Variants in UNC13C observed in about 807,000 individuals in gnomAD.
The protein encoded by UNC13C is unc-13 homolog C, also known as protein unc-13 homolog C.
Under a neutral mutation model 245.4 loss-of-function variants are expected in UNC13C, and 174 were observed. The ratio of observed to expected loss-of-function variants is 0.71; its 90% CI spans 0.63 to 0.80. UNC13C has a LOEUF of 0.80. Among genes scored for constraint, UNC13C ranks in the 30% least tolerant of loss-of-function variants. The pLI, the probability that UNC13C is intolerant of heterozygous loss-of-function variation, is 0.00. For missense variants in UNC13C, 2,829 were observed against 2,602.9 expected (o/e 1.09, Z -1.89); for synonymous variants, 992 against 895.1 (o/e 1.11, Z -1.93).
At chr15:54,517,287 C>G (rs1895022962) in intron 24 of UNC13C, among the ~76,000 whole-genome samples, 1 of 152,038 alleles carries the variant, frequency 6.6e-6, no homozygotes, top group African/African-American at 2.4e-5. Flanking sequence ...TAGACAATTT[C>G]AAATTGTCAC....
At chr15:54,163,448 A>G (rs1595931463) in intron 4 of UNC13C, among the ~76,000 whole-genome samples, 1 of 152,254 alleles carries the variant, frequency 6.6e-6, no homozygotes, top group African/African-American at 2.4e-5. Flanking sequence ...AATTTGTTAC[A>G]GCAGCAATGG....
chr15:54,138,514 G>T (rs2031847932), intron 2 of UNC13C, among the ~76,000 whole-genome samples: 1 of 151,716 alleles, frequency 6.6e-6, no homozygotes, highest in Non-Finnish European at 1.5e-5. Context: ...TATACATCAG[G>T]AACATTTTCT....
the UNC13C span, chr15:53,914,327 TG>T: frequency 2.0e-5 from 3 of 152,246 alleles, no homozygotes; most frequent in African/African-American, 7.2e-5. Context: ...AGTTCATACT[TG>T]GCTCTGAGCC....
At chr15:53,866,652 A>G in the UNC13C span, among the ~76,000 whole-genome samples, 1 of 152,196 alleles carries the variant, frequency 6.6e-6, no homozygotes, top group East Asian at 1.9e-4. Context: ...AGTAAATCCA[A>G]TCCAATCGAA....
intron 30 of UNC13C, among the ~76,000 whole-genome samples, chr15:54,577,656 T>G (rs1376349021): frequency 1.3e-5 from 2 of 152,182 alleles, no homozygotes; most frequent in Non-Finnish European, 2.9e-5. Context: ...GAAAACTCTC[T>G]CTTTCCAGGT....
intron 2 of UNC13C, among the ~76,000 whole-genome samples, chr15:54,088,454 A>C: frequency 6.6e-6 from 1 of 152,290 alleles, no homozygotes; most frequent in East Asian, 1.9e-4. Flanking sequence ...TTATAGATGC[A>C]CTTCCAGACA....
At chr15:54,024,894 G>A (rs959716382) in intron 2 of UNC13C, among the ~76,000 whole-genome samples, 11 of 151,960 alleles carry the variant, frequency 7.2e-5, no homozygotes, top group Non-Finnish European at 1.3e-4. Flanking sequence ...CAGCCTGGGC[G>A]TCAGAGAGAA....
chr15:54,406,896 T>C (rs2040305600), intron 18 of UNC13C, among the ~76,000 whole-genome samples: 1 of 151,948 alleles, frequency 6.6e-6, no homozygotes, highest in Non-Finnish European at 1.5e-5. Flanking sequence ...CTCATAGAAA[T>C]TAAGAAGAAG....
chr15:54,075,681 C>T (rs2414271), intron 2 of UNC13C, among the ~76,000 whole-genome samples: 1 of 151,466 alleles, frequency 6.6e-6, no homozygotes, highest in African/African-American at 2.4e-5. Context: ...ATACTATTAG[C>T]AGTATTGAGC....
At chr15:54,526,488 T>A (rs1236227048) in intron 25 of UNC13C, among the ~76,000 whole-genome samples, 1 of 152,000 alleles carries the variant, frequency 6.6e-6, no homozygotes, top group African/African-American at 2.4e-5. Flanking sequence ...TCCCAGCACT[T>A]TGGGAGGCTG....
intron 1 of UNC13C, among the ~76,000 whole-genome samples, chr15:53,990,563 T>C (rs1341788002): frequency 6.6e-6 from 1 of 152,050 alleles, no homozygotes; most frequent in Non-Finnish European, 1.5e-5. Flanking sequence ...TAGTGATAGA[T>C]GCACAGATCT....
chr15:54,290,092 T>A (rs1397071830), intron 10 of UNC13C, among the ~76,000 whole-genome samples: 2 of 152,102 alleles, frequency 1.3e-5, no homozygotes, highest in African/African-American at 4.8e-5. Context: ...TACGTAATCT[T>A]CAACATTTGA....
intron 10 of UNC13C, among the ~76,000 whole-genome samples, chr15:54,273,847 A>G (rs570272334): frequency 6.6e-6 from 1 of 152,310 alleles, no homozygotes; most frequent in African/African-American, 2.4e-5. Context: ...GCAGAAAAAG[A>G]TCAACACGCT....
At chr15:53,886,081 A>G in the UNC13C span, among the ~76,000 whole-genome samples, 2 of 152,196 alleles carry the variant, frequency 1.3e-5, no homozygotes, top group Non-Finnish European at 2.9e-5. Context: ...AGTTGGAGAC[A>G]TTGGTGGGAA....
chr15:54,088,105 A>G (rs1899345450), intron 2 of UNC13C, among the ~76,000 whole-genome samples: 1 of 151,790 alleles, frequency 6.6e-6, no homozygotes, highest in East Asian at 1.9e-4. Flanking sequence ...AATTCCTATT[A>G]AAATTGCCTC....
chr15:54,622,352 T>A lies in UNC13C; in HGVS notation c.6132T>A (p.Gly2044=). ...SQSRSSKDAV[G]QISVHVDITA... ...GTCGTTCCTCCAAAGATGCCGTGGG[T>A]CAGATATCTGTTCATGTGGACATCA... Residue 2044 remains glycine, a synonymous_variant, in exon 31 of 33, where the codon GGT becomes GGA. Transcript: ENST00000260323. The A allele has an allele frequency of 6.2e-7, 1 of 1,613,312 alleles. No individual in the cohort carries two copies. The highest frequency in any genetic ancestry group is 8.5e-7 in the Non-Finnish European group (1 of 1,179,438).
chr15:54,448,743 G>T (rs1890979790), intron 19 of UNC13C, among the ~76,000 whole-genome samples: 1 of 152,204 alleles, frequency 6.6e-6, no homozygotes. Flanking sequence ...GCCAGTCTGT[G>T]TCTTTTAATT....
chr15:54,015,775 C>T lies in UNC13C; in HGVS notation c.2872C>T (p.Gln958Ter), dbSNP rs762153075. 1 of 1,612,378 alleles carries T rather than the reference C, an allele frequency of 6.2e-7. No homozygotes were observed. The highest frequency in any genetic ancestry group is 1.3e-5 in the African/African-American group (1 of 74,898). The change falls in exon 2 of 33, where the codon CAG (glutamine) becomes TAG (stop). Residue 958 changes from glutamine (Q) to a stop codon, truncating the protein, a stop_gained. Coordinates refer to ENST00000260323, the MANE Select transcript of UNC13C (RefSeq NM_001080534.3). LOFTEE classifies it high-confidence loss of function. ...REDENQNIPEQPVEITKPKRI... is the reference protein window; with the variant it reads ...REDENQNIPE ...AGATGAAAACCAAAACATTCCTGAA[C>T]AGCCAGTGGAGATCACAAAGCCAAA...
chr15:54,328,817 A>AATTAT (rs1207534591), intron 14 of UNC13C, among the ~76,000 whole-genome samples: 2 of 152,092 alleles, frequency 1.3e-5, no homozygotes, highest in Non-Finnish European at 2.9e-5. Flanking sequence ...ATATTTTCTA[A>AATTAT]TGTTGAAAAA....
Sources: allele counts gnomAD v4.1 joint callset (sites outside exome capture counted in the v4.1 genomes callset), GRCh38; gene constraint gnomAD v4.1.1; transcripts MANE v1.5; gene names NCBI Gene and HGNC (gene_info 2026-07-23, HGNC 2026-07-21).